ROBO1: variants seen among roughly 807,000 people sequenced by gnomAD.
ROBO1 encodes roundabout homolog 1.
Under a neutral mutation model 195.9 loss-of-function variants are expected in ROBO1, and 149 were observed. The ratio of observed to expected loss-of-function variants is 0.76; its 90% CI spans 0.67 to 0.87. ROBO1 has a LOEUF of 0.87. ROBO1 is among the 40% of genes least tolerant of loss of function. The pLI is 0.00. For missense variants in ROBO1, 1,933 were observed against 2,068.3 expected (o/e 0.93, Z 1.27); for synonymous variants, 816 against 733.2 (o/e 1.11, Z -1.82).
At chr3:79,536,458 AAAAT>A (rs1409203378) in intron 2 of ROBO1, among the ~76,000 whole-genome samples, 1 of 152,218 alleles carries the variant, frequency 6.6e-6, no homozygotes, top group Non-Finnish European at 1.5e-5. Flanking sequence ...TTTCTTCAAG[AAAAT>A]AAATTAGAAA....
intron 1 of ROBO1, among the ~76,000 whole-genome samples, chr3:79,750,765 A>G (rs765978665): frequency 5.3e-5 from 8 of 152,188 alleles, no homozygotes; most frequent in Non-Finnish European, 1.0e-4. Flanking sequence ...TAAGTCCATT[A>G]AAACCTCTTT....
chr3:78,714,558 G>C (rs1318709369), intron 7 of ROBO1, 34 bp from the exon 8 acceptor site: 1 of 1,584,732 alleles, frequency 6.3e-7, no homozygotes, highest in African/African-American at 1.4e-5. Flanking sequence ...ACAGTTAAGT[G>C]ACTTTCTACT....
At chr3:79,017,034 G>A (rs1057473105) in intron 3 of ROBO1, among the ~76,000 whole-genome samples, 1 of 152,130 alleles carries the variant, frequency 6.6e-6, no homozygotes, top group Non-Finnish European at 1.5e-5. Flanking sequence ...ACAACCTCGA[G>A]GAGTTAGTCT....
intron 2 of ROBO1, among the ~76,000 whole-genome samples, chr3:79,550,195 GGAAAAGA>G (rs1312631806): frequency 8.7e-4 from 88 of 100,822 alleles, no homozygotes; most frequent in African/African-American, 3.7e-3. Context: ...AAGAAAGAAA[GGAAAAGA>G]AAAGAAAAGA....
chr3:79,569,665 GTGTGTGTGTATATA>G (rs1371717393), intron 2 of ROBO1, among the ~76,000 whole-genome samples: 1 of 150,378 alleles, frequency 6.6e-6, no homozygotes, highest in Non-Finnish European at 1.5e-5. Context: ...GTGTGTGTGT[GTGTGTGTGTATATA>G]TGTGTGTGTG....
intron 2 of ROBO1, among the ~76,000 whole-genome samples, chr3:79,330,041 C>T (rs1390606026): frequency 6.6e-6 from 1 of 151,692 alleles, no homozygotes; most frequent in Non-Finnish European, 1.5e-5. Flanking sequence ...ATTATATGTA[C>T]TAATATCCTG....
intron 3 of ROBO1, among the ~76,000 whole-genome samples, chr3:79,020,494 C>T (rs1180511830): frequency 6.6e-6 from 1 of 152,136 alleles, no homozygotes; most frequent in African/African-American, 2.4e-5. Flanking sequence ...GAGTTCGAGA[C>T]CAGCCTGACC....
intron 4 of ROBO1, among the ~76,000 whole-genome samples, chr3:78,838,673 T>C (rs1305542418): frequency 6.6e-6 from 1 of 151,986 alleles, no homozygotes; most frequent in African/African-American, 2.4e-5. Context: ...CCTGAGAAAG[T>C]TCATCAATTT....
chr3:79,765,520 G>C lies in ROBO1; in HGVS notation c.-51+2232C>G, dbSNP rs74639482. ...TTGAAAGTTACCAGTGCCTCCTCAA[G>C]ATATAGTAGAGAAGCAGGTTTTAAG... On this transcript the variant is annotated intron_variant, in intron 1 of 30. Transcript: ENST00000464233. 7.9e-4 allele frequency among the ~76,000 whole-genome samples: 120 copies of C among 152,272 alleles called. 2 individuals carry two copies. The East Asian group carries it at 0.021, about 27-fold the overall frequency.
At chr3:79,577,253 G>A (rs759399036) in intron 2 of ROBO1, among the ~76,000 whole-genome samples, 3 of 152,032 alleles carry the variant, frequency 2.0e-5, no homozygotes, top group South Asian at 2.1e-4. Context: ...TCTTTTTAGC[G>A]TCATTTATTT....
intron 4 of ROBO1, among the ~76,000 whole-genome samples, chr3:78,898,380 GTTTTT>G (rs773377988): frequency 9.9e-6 from 1 of 100,998 alleles, no homozygotes; most frequent in Non-Finnish European, 1.8e-5. Flanking sequence ...GATAGATAGG[GTTTTT>G]TTTTTTTTTT....
intron 1 of ROBO1, among the ~76,000 whole-genome samples, chr3:79,657,972 T>C (rs769985544): frequency 7.9e-5 from 12 of 152,094 alleles, no homozygotes; most frequent in Non-Finnish European, 1.3e-4. Flanking sequence ...GAAAAAATTG[T>C]ATGTAATGTC....
At chr3:79,395,766 A>G (rs539413949) in intron 2 of ROBO1, among the ~76,000 whole-genome samples, 128 of 152,056 alleles carry the variant, frequency 8.4e-4, no homozygotes, top group African/African-American at 2.9e-3. Flanking sequence ...TTTCATAAAG[A>G]CCTCTTTATT....
At chr3:79,038,325 G>C (rs1445442663) in intron 3 of ROBO1, among the ~76,000 whole-genome samples, 2 of 152,146 alleles carry the variant, frequency 1.3e-5, no homozygotes, top group Non-Finnish European at 2.9e-5. Context: ...CCTCGTGGTG[G>C]TGGTGACCTC....
intron 3 of ROBO1, among the ~76,000 whole-genome samples, chr3:79,049,154 AG>A (rs1009867431): frequency 2.0e-5 from 3 of 152,144 alleles, no homozygotes; most frequent in Non-Finnish European, 4.4e-5. Context: ...ATCTTGAAAA[AG>A]GTTAGATGAA....
intron 2 of ROBO1, among the ~76,000 whole-genome samples, chr3:79,255,706 C>T (rs1040102249): frequency 2.0e-5 from 3 of 152,080 alleles, no homozygotes; most frequent in South Asian, 2.1e-4. Flanking sequence ...GTAATATATA[C>T]GAAGGGCGAT....
chr3:79,561,160 G>C (rs1007686653), intron 2 of ROBO1, among the ~76,000 whole-genome samples: 3 of 151,986 alleles, frequency 2.0e-5, no homozygotes. Flanking sequence ...CATTTCCTCT[G>C]AGTCTTTCTA....
At chr3:79,141,966 A>G (rs1270155126) in intron 2 of ROBO1, among the ~76,000 whole-genome samples, 1 of 151,542 alleles carries the variant, frequency 6.6e-6, no homozygotes, top group Non-Finnish European at 1.5e-5. Context: ...TCAGACTGAC[A>G]TTTGTGGTTT....
chr3:79,065,551 A>C (rs2108418673), intron 3 of ROBO1, among the ~76,000 whole-genome samples: 1 of 152,090 alleles, frequency 6.6e-6, no homozygotes, highest in South Asian at 2.1e-4. Flanking sequence ...CCAGATAAAA[A>C]GATAGTTATC....
Sources: allele counts gnomAD v4.1 joint callset (sites outside exome capture counted in the v4.1 genomes callset), GRCh38; gene constraint gnomAD v4.1.1; transcripts MANE v1.5; gene names NCBI Gene and HGNC (gene_info 2026-07-23, HGNC 2026-07-21).